ANKRD30A: variants seen among roughly 807,000 people sequenced by gnomAD.
ANKRD30A encodes ankyrin repeat domain 30A.
A neutral mutation model predicts 166.3 loss-of-function variants in ANKRD30A; 170 were observed. The ratio of observed to expected loss-of-function variants is 1.02; its 90% CI spans 0.90 to 1.16. The LOEUF is 1.16. Among genes scored for constraint, ANKRD30A ranks in the 50% most tolerant of loss-of-function variants. ANKRD30A has a pLI of 0.00. For missense variants in ANKRD30A, 1,630 were observed against 1,518.0 expected, an observed-to-expected ratio of 1.07 and a Z score of -1.23; for synonymous variants, 564 against 508.9, an observed-to-expected ratio of 1.11 and a Z score of -1.46.
chr10:37,157,753 C>A (rs1351784253), intron 13 of ANKRD30A, among the ~76,000 whole-genome samples: 1 of 151,976 alleles, frequency 6.6e-6, no homozygotes, highest in Non-Finnish European at 1.5e-5. Context: ...AACTAGAGAA[C>A]CCTATGAATG....
intron 9 of ANKRD30A, among the ~76,000 whole-genome samples, chr10:37,149,257 A>T (rs1837732440): frequency 6.6e-6 from 1 of 152,038 alleles, no homozygotes. Context: ...CTGAACTCTC[A>T]TCATAACTAT....
chr10:37,220,892 A>C (rs577989554), intron 34 of ANKRD30A, among the ~76,000 whole-genome samples: 2 of 151,306 alleles, frequency 1.3e-5, no homozygotes, highest in African/African-American at 4.8e-5. Flanking sequence ...CTTTGAAATA[A>C]AAATACTTTT....
chr10:37,137,136 T>C (rs113252708), intron 6 of ANKRD30A, among the ~76,000 whole-genome samples: 1 of 150,924 alleles, frequency 6.6e-6, no homozygotes. Flanking sequence ...TGAATTAATA[T>C]ATTTATAAAT....
chr10:37,159,037 G>T lies in ANKRD30A; in HGVS notation c.1900+451G>T, dbSNP rs1192987837. Reference sequence around the variant, plus strand: ...TTTTTGATTAGCTGACTGTGTGTGTGACTTTTAATTTTAAAAAATCAGTCA... The same window carrying T: ...TTTTTGATTAGCTGACTGTGTGTGTTACTTTTAATTTTAAAAAATCAGTCA... On this transcript the variant is annotated intron_variant, in intron 15 of 35. Coordinates refer to ENST00000361713, the MANE Select transcript of ANKRD30A (RefSeq NM_052997.3). 2.6e-5 allele frequency among the ~76,000 whole-genome samples: 4 copies of T among 152,032 alleles called. No homozygotes were observed. In the East Asian group the frequency reaches 7.7e-4, roughly 29 times the overall value.
rs749017939 is a variant in ANKRD30A at position 37,217,923 on chromosome 10, C to A, written c.3267+45C>A. The A allele has an allele frequency of 2.2e-6, 3 of 1,345,226 alleles. No individual in the cohort carries two copies. In the Admixed American group the frequency reaches 8.0e-5, roughly 36 times the overall value. 83.3% of individuals were successfully genotyped at this position (1,345,226 alleles called of 1,614,324 possible). ...AAATTTTATATTTCTAACTTTATTT[C>A]ATCAATATTACTTTTAATATCCCTT... On this transcript the variant is annotated intron_variant, in intron 33 of 35. Transcript: ENST00000361713.
chr10:37,166,247 AT>A (rs573854952), intron 18 of ANKRD30A, among the ~76,000 whole-genome samples: 50 of 152,264 alleles, frequency 3.3e-4, no homozygotes, highest in African/African-American at 9.9e-4. Context: ...AATGCGTTGT[AT>A]TTTGTTTGAA....
At chr10:37,260,714 A>G in the ANKRD30A span, among the ~76,000 whole-genome samples, 49 of 152,324 alleles carry the variant, frequency 3.2e-4, no homozygotes, top group Middle Eastern at 3.4e-3. Context: ...ATGTGTGTAT[A>G]GCAGCTACTG....
At chr10:37,202,966 C>A (rs1480324028) in intron 31 of ANKRD30A, among the ~76,000 whole-genome samples, 4 of 152,164 alleles carry the variant, frequency 2.6e-5, no homozygotes, top group Non-Finnish European at 5.9e-5. Context: ...AGACCAATAA[C>A]AGGCTCTGTA....
chr10:37,167,048 T>A (rs1330766166), intron 19 of ANKRD30A, among the ~76,000 whole-genome samples: 2 of 152,028 alleles, frequency 1.3e-5, no homozygotes, highest in Non-Finnish European at 2.9e-5. Context: ...TGGAGGATGA[T>A]AAAATGAAAT....
At chr10:37,227,444 A>G (rs1564598606) in intron 34 of ANKRD30A, among the ~76,000 whole-genome samples, 1 of 152,000 alleles carries the variant, frequency 6.6e-6, no homozygotes, top group Non-Finnish European at 1.5e-5. Context: ...TTGACCATAC[A>G]TGTGCAGGTC....
chr10:37,196,473 A>G (rs912796745), intron 27 of ANKRD30A, among the ~76,000 whole-genome samples: 5 of 152,162 alleles, frequency 3.3e-5, no homozygotes, highest in Non-Finnish European at 7.3e-5. Flanking sequence ...TTTATTATAG[A>G]CTAATGATAC....
At chr10:37,247,881 C>CA in the ANKRD30A span, among the ~76,000 whole-genome samples, 1,310 of 52,664 alleles carry the variant, frequency 0.025, 16 homozygotes, top group African/African-American at 0.058. Context: ...GACTCCATCT[C>CA]AAAAAAAAAA....
chr10:37,156,376 G>A (rs1367592097), intron 13 of ANKRD30A, among the ~76,000 whole-genome samples: 2 of 151,692 alleles, frequency 1.3e-5, no homozygotes, highest in African/African-American at 2.4e-5. Context: ...AAAAATAAAA[G>A]TAATAAAAAA....
chr10:37,220,615 ACC>A, intron 34 of ANKRD30A, among the ~76,000 whole-genome samples: 1 of 151,214 alleles, frequency 6.6e-6, no homozygotes, highest in East Asian at 2.0e-4. Flanking sequence ...TGATTTAATC[ACC>A]CCACTGGTAT....
At chr10:37,239,039 AC>A in the ANKRD30A span, among the ~76,000 whole-genome samples, 1 of 152,144 alleles carries the variant, frequency 6.6e-6, no homozygotes, top group East Asian at 1.9e-4. Flanking sequence ...TGTGCAGTAC[AC>A]AATTTCAGAC....
chr10:37,130,762 C>G (rs1836334360), intron 3 of ANKRD30A, among the ~76,000 whole-genome samples: 1 of 152,112 alleles, frequency 6.6e-6, no homozygotes, highest in Non-Finnish European at 1.5e-5. Flanking sequence ...AGGATTGAAT[C>G]TGGTGTCTCC....
intron 27 of ANKRD30A, among the ~76,000 whole-genome samples, chr10:37,195,476 T>C (rs1441699396): frequency 4.6e-5 from 7 of 152,166 alleles, no homozygotes; most frequent in African/African-American, 1.7e-4. Context: ...TCAGAAGATA[T>C]TGATGCCTTG....
intron 13 of ANKRD30A, among the ~76,000 whole-genome samples, chr10:37,157,259 G>C (rs1031350805): frequency 1.3e-5 from 2 of 152,160 alleles, no homozygotes; most frequent in Non-Finnish European, 2.9e-5. Context: ...AACTATTGTA[G>C]GATTCATTCC....
At chr10:37,241,626 A>G in the ANKRD30A span, among the ~76,000 whole-genome samples, 2 of 152,230 alleles carry the variant, frequency 1.3e-5, no homozygotes, top group African/African-American at 2.4e-5. Context: ...TTACAGTGAT[A>G]GATTTAGATT....
Sources: allele counts gnomAD v4.1 joint callset (sites outside exome capture counted in the v4.1 genomes callset), GRCh38; gene constraint gnomAD v4.1.1; transcripts MANE v1.5; gene names NCBI Gene and HGNC (gene_info 2026-07-23, HGNC 2026-07-21).